Variants in TM9SF2 observed in about 807,000 individuals in gnomAD.
The protein encoded by TM9SF2 is transmembrane 9 superfamily member 2.
A neutral mutation model predicts 84.9 loss-of-function variants in TM9SF2; 13 were observed. That is an observed-to-expected ratio of 0.15 (90% confidence interval 0.10 to 0.24). The LOEUF is 0.24. Ranked by LOEUF, TM9SF2 falls within the 10% of genes least tolerant of loss-of-function variation. The pLI, the probability that TM9SF2 is intolerant of heterozygous loss-of-function variation, is 1.00. For missense variants in TM9SF2, 562 were observed against 818.5 expected (o/e 0.69, Z 3.82); for synonymous variants, 273 against 285.8 (o/e 0.96, Z 0.45).
intron 1 of TM9SF2, among the ~76,000 whole-genome samples, chr13:99,509,840 T>C (rs1172434440): frequency 6.6e-6 from 1 of 152,202 alleles, no homozygotes; most frequent in Non-Finnish European, 1.5e-5. Context: ...TGCTTGAATT[T>C]CTCTCCAGAA....
At chr13:99,549,136 A>G (rs1304712532) in intron 11 of TM9SF2, 29 bp from the exon 12 acceptor site, 1 of 1,595,518 alleles carries the variant, frequency 6.3e-7, no homozygotes, top group East Asian at 2.2e-5. Flanking sequence ...GAAAATCTGT[A>G]TTTATACAAC....
Position 99,537,830 on chromosome 13 carries a change from CA to C in TM9SF2, c.685del (p.Arg229AspfsTer2). The C allele has an allele frequency of 6.2e-7, 1 of 1,609,436 alleles. No homozygotes were observed. The highest frequency in any genetic ancestry group is 8.5e-7 in the Non-Finnish European group (1 of 1,178,932). On this transcript the variant is annotated frameshift_variant, in exon 6 of 17. Transcript: ENST00000376387. LOFTEE classifies it high-confidence loss of function. ...GTTGTTGAAACTGGGTCCATGGGAG[CA>C]AGATTAGTGGCTGCTAAACTTGAAC... The part of the protein sequence containing the change: ...YHVVETGSMG[A>X]RLVAAKLEPK...
At chr13:99,550,399 T>C (rs948751590) in intron 12 of TM9SF2, among the ~76,000 whole-genome samples, 8 of 152,250 alleles carry the variant, frequency 5.3e-5, no homozygotes, top group African/African-American at 1.9e-4. Context: ...GCCAATAATG[T>C]TCCCATTTTC....
In TM9SF2 at chr13:99,562,739, G is replaced by A. The variant is rs1433674066; in HGVS notation, c.1973G>A (p.Ser658Asn). The change falls in exon 17 of 17, where the codon AGT becomes AAT. Residue 658 changes from serine (S) to asparagine (N), a missense_variant. Ser to Asn is a conservative substitution (Grantham distance 46). This residue lies in a region of TM9SF2 where 63 missense variants were observed against 109.2 expected (regional missense o/e 0.58). Transcript: ENST00000376387. ...TTTTGGTTTGTTACCAAAATATACAGTGTGGTGAAGGTTGACTGAAGAAGT... is the reference window on the plus strand; with the variant it reads ...TTTTGGTTTGTTACCAAAATATACAATGTGGTGAAGGTTGACTGAAGAAGT... Reference protein sequence around the residue: ...ACFWFVTKIYSVVKVD With the variant: ...ACFWFVTKIYNVVKVD 1.2e-6 allele frequency: 2 copies of A among 1,613,326 alleles called. No homozygotes were observed. Among genetic ancestry groups the A allele is most frequent in the Non-Finnish European group, 1.7e-6 (2 of 1,179,716 alleles).
intron 3 of TM9SF2, among the ~76,000 whole-genome samples, chr13:99,524,908 G>A (rs1478026483): frequency 6.6e-6 from 1 of 151,606 alleles, no homozygotes; most frequent in Non-Finnish European, 1.5e-5. Flanking sequence ...GTCTAGCAAA[G>A]GACACTGAGA....
chr13:99,506,095 C>A (rs1384139820), intron 1 of TM9SF2, among the ~76,000 whole-genome samples: 4 of 152,056 alleles, frequency 2.6e-5, no homozygotes, highest in Admixed American at 6.5e-5. Flanking sequence ...ACTTTCCTTT[C>A]TTGGTAGTTA....
chr13:99,547,104 T>C lies in TM9SF2; in HGVS notation c.1270T>C (p.Ser424Pro). The C allele has an allele frequency of 6.2e-7, 1 of 1,614,036 alleles. No individual in the cohort carries two copies. The highest frequency in any genetic ancestry group is 2.2e-5 in the East Asian group (1 of 44,876). ...AGYVAARFYK[S>P]FGGEKWKTNV... ...CTATGTTGCTGCCAGATTCTATAAG[T>C]GTAAGTCAAAGCCACTGTGACTGGC... The change falls in exon 11 of 17, where the codon TCC (serine) becomes CCC (proline). Residue 424 changes from serine (S) to proline (P), a missense_variant and splice_region_variant. Physicochemically the swap from Ser to Pro is moderately conservative, Grantham distance 74. Around this residue, in one of 4 missense-constraint regions of TM9SF2, gnomAD observed 219 missense variants for 338.1 expected, o/e 0.65. Transcript: ENST00000376387.
intron 8 of TM9SF2, 78 bp from the exon 9 acceptor site, chr13:99,541,477 TACTC>T (rs747155874): frequency 1.3e-5 from 12 of 955,310 alleles, no homozygotes; most frequent in Non-Finnish European, 1.8e-5. Context: ...GTTTTAATGT[TACTC>T]AATAAACAGT....
At chr13:99,515,942 G>A (rs1309753577) in intron 1 of TM9SF2, among the ~76,000 whole-genome samples, 8 of 152,086 alleles carry the variant, frequency 5.3e-5, no homozygotes, top group Non-Finnish European at 1.0e-4. Context: ...ATGTTGACCA[G>A]GCTGGTCTCA....
chr13:99,525,340 C>T (rs2046178230), intron 3 of TM9SF2, among the ~76,000 whole-genome samples: 1 of 152,104 alleles, frequency 6.6e-6, no homozygotes, highest in South Asian at 2.1e-4. Context: ...CTCCGAGGCT[C>T]CAGTGCTTCT....
chr13:99,536,816 G>T, intron 5 of TM9SF2, 79 bp downstream of exon 5: 3 of 1,521,182 alleles, frequency 2.0e-6, no homozygotes, highest in Middle Eastern at 1.8e-4. Context: ...GACAAAAATT[G>T]TTATATTCAT....
chr13:99,531,606 A>AC (rs1180495445), intron 4 of TM9SF2, among the ~76,000 whole-genome samples: 3 of 152,112 alleles, frequency 2.0e-5, no homozygotes, highest in African/African-American at 7.2e-5. Context: ...GGTAACATCT[A>AC]CCTGAACCCC....
intron 6 of TM9SF2, among the ~76,000 whole-genome samples, chr13:99,538,997 A>C (rs2046246285): frequency 6.6e-6 from 1 of 152,054 alleles, no homozygotes; most frequent in South Asian, 2.1e-4. Flanking sequence ...TGAGCCCAGG[A>C]GTTCAAGACC....
intron 3 of TM9SF2, among the ~76,000 whole-genome samples, chr13:99,525,396 C>T (rs566634877): frequency 5.3e-5 from 8 of 152,128 alleles, no homozygotes; most frequent in Admixed American, 5.2e-4. Flanking sequence ...TGCCTGCCAC[C>T]ACACCTAGTT....
chr13:99,545,781 G>A (rs1477928944), intron 10 of TM9SF2, among the ~76,000 whole-genome samples: 1 of 152,074 alleles, frequency 6.6e-6, no homozygotes, highest in Non-Finnish European at 1.5e-5. Context: ...TGTCCAGGAT[G>A]GTCTCAATCT....
At position 99,531,297 on chromosome 13, in the gene TM9SF2, A is replaced by G. The variant is rs113731032; in HGVS notation, c.461+1703A>G. Among the ~76,000 whole-genome samples the G allele has an allele frequency of 5.9e-5, 9 of 152,258 alleles. 1 individual carries two copies. Among genetic ancestry groups the G allele is most frequent in the African/African-American group, 1.9e-4 (8 of 41,554 alleles). ...TTACATATGTTTTGCCTTTTCTAGAAAGTGTAAGATGCTTTCAGTGGCGAA... is the reference window on the plus strand; with the variant it reads ...TTACATATGTTTTGCCTTTTCTAGAGAGTGTAAGATGCTTTCAGTGGCGAA... On this transcript the variant is annotated intron_variant, in intron 4 of 16. Coordinates refer to ENST00000376387, the MANE Select transcript of TM9SF2 (RefSeq NM_004800.3).
intron 13 of TM9SF2, among the ~76,000 whole-genome samples, chr13:99,553,115 C>A (rs979732772): frequency 2.0e-5 from 3 of 152,208 alleles, no homozygotes; most frequent in African/African-American, 7.2e-5. Flanking sequence ...CACTCCTGCC[C>A]TCAGGCTAAA....
At chr13:99,550,304 C>T (rs1270058067) in intron 12 of TM9SF2, among the ~76,000 whole-genome samples, 1 of 152,126 alleles carries the variant, frequency 6.6e-6, no homozygotes, top group Non-Finnish European at 1.5e-5. Context: ...CTACTCCTTT[C>T]TTCTCATTTT....
chr13:99,561,995 A>T (rs1457491805), intron 16 of TM9SF2, among the ~76,000 whole-genome samples: 1 of 152,170 alleles, frequency 6.6e-6, no homozygotes, highest in Non-Finnish European at 1.5e-5. Context: ...TGTTTTCATG[A>T]ATTATCTCAT....
Sources: gnomAD v4.1 joint callset for allele counts (sites outside exome capture counted in the v4.1 genomes callset) on GRCh38, gnomAD v4.1.1 for gene constraint, gnomAD v4.1.1 regional missense constraint, MANE v1.5 for transcripts, NCBI Gene and HGNC (gene_info 2026-07-23, HGNC 2026-07-21) for gene names.